Variants in SCN1A observed in about 807,000 individuals in gnomAD.
SCN1A encodes sodium voltage-gated channel alpha subunit 1, also known as sodium channel protein type 1 subunit alpha.
A neutral mutation model predicts 193.7 loss-of-function variants in SCN1A; 13 were observed. That is an observed-to-expected ratio of 0.07 (90% CI 0.04 to 0.11). The LOEUF (loss-of-function observed/expected upper bound fraction) is 0.11, where lower values mean the gene tolerates loss of function less well. Among genes scored for constraint, SCN1A ranks in the 10% least tolerant of loss-of-function variants. The pLI is 1.00. For synonymous variants in SCN1A, 781 were observed against 843.6 expected, an observed-to-expected ratio of 0.93 and a Z score of 1.29; for missense variants, 1,432 against 2,451.1, an observed-to-expected ratio of 0.58 and a Z score of 8.78.
chr2:166,098,444 C>T (rs769631768), intron 2 of SCN1A, among the ~76,000 whole-genome samples: 4 of 152,032 alleles, frequency 2.6e-5, no homozygotes, highest in Admixed American at 1.3e-4. Context: ...AGAACTGAAA[C>T]GAAACAAGGG....
chr2:166,115,512 T>A (rs1384535397), intron 2 of SCN1A, among the ~76,000 whole-genome samples: 2 of 152,154 alleles, frequency 1.3e-5, no homozygotes. Context: ...TTAATCATAG[T>A]ATATATAAGT....
intron 2 of SCN1A, chr2:166,126,400 G>A (rs1191219243): frequency 6.6e-6 from 1 of 151,936 alleles, no homozygotes; most frequent in Non-Finnish European, 1.5e-5. Context: ...AGGGAAAGAA[G>A]AATGTCAGAT....
At chr2:166,128,900 T>C (rs1691513546), upstream of SCN1A, among the ~76,000 whole-genome samples, 2 of 152,172 alleles carry the variant, frequency 1.3e-5, no homozygotes, top group African/African-American at 4.8e-5. Context: ...GTAGAGCTTT[T>C]TATGTTATAT....
chr2:166,004,072 G>A (rs753689216), intron 23 of SCN1A, among the ~76,000 whole-genome samples: 1 of 151,542 alleles, frequency 6.6e-6, no homozygotes, highest in Non-Finnish European at 1.5e-5. Flanking sequence ...AGAACCAAAT[G>A]ATGTGGCCGA....
chr2:166,126,109 T>C (rs1182722156), intron 2 of SCN1A, among the ~76,000 whole-genome samples: 1 of 152,184 alleles, frequency 6.6e-6, no homozygotes, highest in Non-Finnish European at 1.5e-5. Context: ...ACTTGTGCTC[T>C]GTTCTAGTGG....
intron 2 of SCN1A, among the ~76,000 whole-genome samples, chr2:166,107,884 C>G (rs503544): frequency 0.99 from 150,539 of 152,222 alleles, 74,467 homozygotes; most frequent in Middle Eastern, 1. Flanking sequence ...GGTGCACATA[C>G]ATAAGGTAAT....
At chr2:166,080,663 G>A (rs1193389418) in intron 2 of SCN1A, among the ~76,000 whole-genome samples, 1 of 151,636 alleles carries the variant, frequency 6.6e-6, no homozygotes, top group East Asian at 1.9e-4. Flanking sequence ...ACATGAAATG[G>A]AAGTGAGAGA....
chr2:165,989,065 T>TGC lies in SCN1A; in HGVS notation c.*2179_*2180insGC, dbSNP rs1218612784. The TGC allele has an allele frequency of 3.4e-5, 2 of 58,458 alleles. No homozygotes were observed. Among genetic ancestry groups the TGC allele is most frequent in the African/African-American group, 1.2e-4 (2 of 17,220 alleles). 3.6% of individuals were successfully genotyped at this position (58,458 alleles called of 1,614,324 possible). A position where few individuals can be genotyped will look rare whatever the true frequency, so the allele number is the denominator to read the frequency against. ...GTGTGTGTGTGTGTGTGTGTGTGTG[T>TGC]GTGCGCGCGCGCTCCCCTTCTCCCC... On this transcript the variant is annotated 3_prime_UTR_variant, in exon 29 of 29. Transcript: ENST00000674923.
In SCN1A at chr2:165,996,099, A is replaced by G. The variant is rs121918632; in HGVS notation, c.4495T>C (p.Phe1499Leu). The G allele has an allele frequency of 6.2e-7, 1 of 1,606,370 alleles. No individual in the cohort carries two copies. The change falls in exon 27 of 29, where the codon TTT becomes CTT. Residue 1499 changes from phenylalanine (F) to leucine (L), a missense_variant. By Grantham distance (22) the Phe-to-Leu change is conservative. Around this residue, in one of 18 missense-constraint regions of SCN1A, gnomAD observed 85 missense variants for 119.1 expected, o/e 0.71. Transcript: ENST00000674923. ...TATTTCTTCTGTTCTTCTGTCATAA[A>G]GATGTCTTGACCTCCAAAGTATAGA... ...QKKKFGGQDI[F>L]MTEEQKKYYN...
rs975667054 is a variant in SCN1A at position 166,099,347 on chromosome 2, T to C, written c.-141-21546A>G. Among the ~76,000 whole-genome samples, 22 of 151,116 alleles carry C rather than the reference T, an allele frequency of 1.5e-4. No homozygotes were observed. The East Asian group carries it at 1.8e-3, about 12-fold the overall frequency. On this transcript the variant is annotated intron_variant, in intron 2 of 28. Coordinates refer to ENST00000674923, the MANE Select transcript of SCN1A (RefSeq NM_001165963.4). ...TAAAAACTCTCAATAAATTAGGTAT[T>C]GATGGGACGTATCTCAAAATAATAA... is the stretch of plus-strand genomic sequence containing the variant.
chr2:166,030,735 A>G (rs563235985), intron 19 of SCN1A, among the ~76,000 whole-genome samples: 11 of 152,198 alleles, frequency 7.2e-5, no homozygotes, highest in South Asian at 6.2e-4. Flanking sequence ...GTTAAGGCTT[A>G]TAAGCTCTTA....
downstream of SCN1A, chr2:165,984,681 C>A (rs556928991): frequency 6.6e-6 from 1 of 152,010 alleles, no homozygotes; most frequent in South Asian, 2.1e-4. Context: ...AACAAAAAAA[C>A]CCATCACAGT....
At chr2:166,107,041 A>C (rs982959913) in intron 2 of SCN1A, among the ~76,000 whole-genome samples, 2 of 152,058 alleles carry the variant, frequency 1.3e-5, no homozygotes, top group African/African-American at 4.8e-5. Context: ...AGCTACATAC[A>C]TTTTATTTAT....
At position 166,036,387 on chromosome 2, in the gene SCN1A, T is replaced by C. The variant is rs1696376896; in HGVS notation, c.3090A>G (p.Ile1030Met). ...HKGVAYVKRK[I>M]YEFIQQSFIR... ...TGAAGGACTGTTGAATAAATTCATA[T>C]ATTTTTCTTTTCACATAAGCTACTC... Residue 1030 changes from isoleucine (I) to methionine (M), a missense_variant, in exon 19 of 29, where the codon ATA (isoleucine) becomes ATG (methionine). Physicochemically the swap from Ile to Met is conservative, Grantham distance 10. Coordinates refer to ENST00000674923, the MANE Select transcript of SCN1A (RefSeq NM_001165963.4). 1 of 1,599,470 alleles carries C rather than the reference T, an allele frequency of 6.3e-7. No homozygotes were observed. The highest frequency in any genetic ancestry group is 1.1e-5 in the South Asian group (1 of 87,728).
At chr2:166,087,591 A>G (rs1314158048) in intron 2 of SCN1A, among the ~76,000 whole-genome samples, 1 of 152,112 alleles carries the variant, frequency 6.6e-6, no homozygotes, top group Non-Finnish European at 1.5e-5. Flanking sequence ...GAGGCCCTCA[A>G]TAGAAGCTGA....
At chr2:166,056,104 C>T (rs559907004) in intron 6 of SCN1A, among the ~76,000 whole-genome samples, 3 of 152,114 alleles carry the variant, frequency 2.0e-5, no homozygotes, top group Admixed American at 6.6e-5. Context: ...CCAATGTCTA[C>T]CATATTGGCT....
chr2:166,032,092 C>T (rs1574145687), intron 19 of SCN1A, among the ~76,000 whole-genome samples: 1 of 136,970 alleles, frequency 7.3e-6, no homozygotes, highest in South Asian at 2.4e-4. Flanking sequence ...GGAATGGAAA[C>T]AATAACATGT....
intron 2 of SCN1A, among the ~76,000 whole-genome samples, chr2:166,120,248 A>G (rs1477679891): frequency 6.6e-6 from 1 of 151,454 alleles, no homozygotes; most frequent in African/African-American, 2.4e-5. Flanking sequence ...ATAAGAAAAA[A>G]TAAGATGTAA....
At chr2:166,057,056 G>A (rs1017577509) in intron 5 of SCN1A, among the ~76,000 whole-genome samples, 3 of 152,044 alleles carry the variant, frequency 2.0e-5, no homozygotes, top group South Asian at 2.1e-4. Flanking sequence ...AGCAGGATTC[G>A]ATAACATTAA....
Sources: allele counts gnomAD v4.1 joint callset (sites outside exome capture counted in the v4.1 genomes callset), GRCh38; gene constraint gnomAD v4.1.1; regional missense constraint gnomAD v4.1.1; transcripts MANE v1.5; gene names NCBI Gene and HGNC (gene_info 2026-07-23, HGNC 2026-07-21).